Variants in HIBADH observed in about 807,000 individuals in gnomAD.
HIBADH encodes the protein 3-hydroxyisobutyrate dehydrogenase, mitochondrial.
Under a neutral mutation model 36.1 loss-of-function variants are expected in HIBADH, and 25 were observed. The observed-to-expected ratio is 0.69, with a 90% CI of 0.50 to 0.97. HIBADH has a LOEUF of 0.97. HIBADH is among the 50% of genes least tolerant of loss of function. The pLI is 0.00. For missense variants in HIBADH, 421 were observed against 418.0 expected, an observed-to-expected ratio of 1.01 and a Z score of -0.06; for synonymous variants, 160 against 149.5, an observed-to-expected ratio of 1.07 and a Z score of -0.51.
intron 1 of HIBADH, among the ~76,000 whole-genome samples, chr7:27,655,950 T>A (rs959232913): frequency 6.6e-6 from 1 of 152,010 alleles, no homozygotes; most frequent in African/African-American, 2.4e-5. Flanking sequence ...GATGGTAATT[T>A]GGCAAAAAAA....
chr7:27,563,530 C>T (rs1227946685), intron 4 of HIBADH, among the ~76,000 whole-genome samples: 1 of 152,218 alleles, frequency 6.6e-6, no homozygotes, highest in Admixed American at 6.5e-5. Flanking sequence ...TATGAGCATT[C>T]CAGTTGCTCC....
intron 2 of HIBADH, among the ~76,000 whole-genome samples, chr7:27,640,315 G>A (rs1785937869): frequency 6.6e-6 from 1 of 152,170 alleles, no homozygotes. Context: ...CTGATCACTT[G>A]AGCCCAGGAG....
At chr7:27,599,843 T>C (rs1049953841) in intron 4 of HIBADH, among the ~76,000 whole-genome samples, 2 of 152,002 alleles carry the variant, frequency 1.3e-5, no homozygotes, top group African/African-American at 4.8e-5. Context: ...AGTAAATGTT[T>C]GTTGGTCCTT....
In HIBADH at chr7:27,528,826, G is replaced by T. The variant is rs1482766602; in HGVS notation, c.852+2366C>A. On this transcript the variant is annotated intron_variant, in intron 7 of 7. Coordinates refer to ENST00000265395, the MANE Select transcript of HIBADH (RefSeq NM_152740.4). ...AGTGTAGATGAAACAGCCTGCTGTT[G>T]GAAGATATCATCTAGGACTTTCGCA... Among the ~76,000 whole-genome samples, 3 of 152,250 alleles carry T rather than the reference G, an allele frequency of 2.0e-5. No individual in the cohort carries two copies. In the South Asian group the frequency reaches 6.2e-4, roughly 32 times the overall value.
At chr7:27,592,508 C>T (rs1583585869) in intron 4 of HIBADH, among the ~76,000 whole-genome samples, 1 of 152,006 alleles carries the variant, frequency 6.6e-6, no homozygotes, top group South Asian at 2.1e-4. Context: ...TTTTTTATCC[C>T]AAAAGCCACA....
intron 3 of HIBADH, among the ~76,000 whole-genome samples, chr7:27,630,689 C>A (rs1193930147): frequency 2.0e-5 from 3 of 151,904 alleles, no homozygotes; most frequent in Non-Finnish European, 2.9e-5. Flanking sequence ...TCACTTGAGG[C>A]CACAGGTTGG....
chr7:27,593,763 GA>G (rs1406159906), intron 4 of HIBADH, among the ~76,000 whole-genome samples: 2 of 151,994 alleles, frequency 1.3e-5, no homozygotes, highest in Non-Finnish European at 2.9e-5. Flanking sequence ...TTTAGACCTA[GA>G]AAATCAAAGA....
chr7:27,635,817 C>T (rs763995868), intron 2 of HIBADH, among the ~76,000 whole-genome samples: 3 of 152,154 alleles, frequency 2.0e-5, no homozygotes, highest in Non-Finnish European at 2.9e-5. Flanking sequence ...CTAATTCCAA[C>T]GGCCTCATAC....
Position 27,582,338 on chromosome 7 carries a change from T to C in HIBADH, c.485-39238A>G, listed in dbSNP as rs1036095890. Reference sequence around the variant, plus strand: ...TATATTTCATTGCAGAAATTGTTGGTGTTTTGATTACAGGGGGCTGCCCTG... The same window carrying C: ...TATATTTCATTGCAGAAATTGTTGGCGTTTTGATTACAGGGGGCTGCCCTG... On this transcript the variant is annotated intron_variant, in intron 4 of 7. Transcript: ENST00000265395. 5.3e-5 allele frequency among the ~76,000 whole-genome samples: 8 copies of C among 152,156 alleles called. No homozygotes were observed. The East Asian group carries it at 1.5e-3, about 29-fold the overall frequency.
At chr7:27,562,940 TA>T (rs762134277) in intron 4 of HIBADH, among the ~76,000 whole-genome samples, 91 of 152,302 alleles carry the variant, frequency 6.0e-4, no homozygotes, top group Middle Eastern at 6.8e-3. Flanking sequence ...GCTGTAAAAT[TA>T]AATTTTATGT....
intron 4 of HIBADH, among the ~76,000 whole-genome samples, chr7:27,576,074 A>C (rs1784704690): frequency 6.6e-6 from 1 of 152,220 alleles, no homozygotes; most frequent in Non-Finnish European, 1.5e-5. Flanking sequence ...GTGGAAAAGG[A>C]ATCCAAAGGA....
intron 4 of HIBADH, among the ~76,000 whole-genome samples, chr7:27,559,843 TTA>T (rs1288094778): frequency 6.6e-6 from 1 of 152,216 alleles, no homozygotes. Flanking sequence ...TTAATTACTT[TTA>T]TATGTGTTGT....
chr7:27,536,687 C>A (rs1160280262), intron 6 of HIBADH, among the ~76,000 whole-genome samples: 1 of 152,070 alleles, frequency 6.6e-6, no homozygotes, highest in African/African-American at 2.4e-5. Context: ...AAGCACTTAG[C>A]CTATACAAAA....
At chr7:27,601,013 C>T (rs1382759449) in intron 4 of HIBADH, among the ~76,000 whole-genome samples, 1 of 152,104 alleles carries the variant, frequency 6.6e-6, no homozygotes, top group African/African-American at 2.4e-5. Flanking sequence ...ACTTTGGATA[C>T]TTGATCTTTG....
At chr7:27,530,338 T>C (rs993969071) in intron 7 of HIBADH, among the ~76,000 whole-genome samples, 9 of 152,198 alleles carry the variant, frequency 5.9e-5, no homozygotes, top group African/African-American at 2.2e-4. Context: ...CCTGAGTAGC[T>C]GGGCTTACAG....
At chr7:27,558,624 G>A (rs1486676385) in intron 4 of HIBADH, among the ~76,000 whole-genome samples, 3 of 152,150 alleles carry the variant, frequency 2.0e-5, no homozygotes, top group Admixed American at 1.3e-4. Context: ...TTGAGTCCAG[G>A]AGGTTGAGGC....
intron 1 of HIBADH, among the ~76,000 whole-genome samples, chr7:27,653,458 G>A (rs184037034): frequency 2.8e-4 from 43 of 152,204 alleles, no homozygotes; most frequent in African/African-American, 7.9e-4. Flanking sequence ...ATGACCGGCC[G>A]GGCGTGGTGG....
chr7:27,574,114 G>A (rs1314507202), intron 4 of HIBADH, among the ~76,000 whole-genome samples: 1 of 152,140 alleles, frequency 6.6e-6, no homozygotes, highest in Admixed American at 6.6e-5. Flanking sequence ...CCAAAAATGA[G>A]CTTGATTGAA....
intron 2 of HIBADH, among the ~76,000 whole-genome samples, chr7:27,639,815 G>A (rs1200701503): frequency 6.6e-6 from 1 of 152,110 alleles, no homozygotes; most frequent in Non-Finnish European, 1.5e-5. Context: ...AATTATAAAT[G>A]CCTTATCAGA....
Sources: allele counts gnomAD v4.1 joint callset (sites outside exome capture counted in the v4.1 genomes callset), GRCh38; gene constraint gnomAD v4.1.1; transcripts MANE v1.5; gene names NCBI Gene and HGNC (gene_info 2026-07-23, HGNC 2026-07-21).